Variants in ERCC8 observed in about 807,000 individuals in gnomAD.
ERCC8 encodes DNA excision repair protein ERCC-8.
In ERCC8, 52 loss-of-function variants were observed where a neutral mutation model predicts 54.9. That is an observed-to-expected ratio of 0.95 (90% CI 0.76 to 1.19). The LOEUF is 1.19. Among genes scored for constraint, ERCC8 ranks in the 50% most tolerant of loss-of-function variants. The pLI is 0.00. For synonymous variants in ERCC8, 146 were observed against 157.2 expected (o/e 0.93, Z 0.53); for missense variants, 514 against 466.1 (o/e 1.10, Z -0.95).
chr5:60,931,115 G>T (rs868545421), intron 1 of ERCC8, among the ~76,000 whole-genome samples: 1 of 147,162 alleles, frequency 6.8e-6, no homozygotes, highest in African/African-American at 2.5e-5. Context: ...GCAAGACTCC[G>T]TCTCAAAAAA....
chr5:60,936,530 G>C (rs1005300975), intron 1 of ERCC8, among the ~76,000 whole-genome samples: 1 of 151,872 alleles, frequency 6.6e-6, no homozygotes, highest in Non-Finnish European at 1.5e-5. Flanking sequence ...ATTTATTTCT[G>C]CTCTGATCTT....
In ERCC8 at chr5:60,918,751, AAGTCTCATTCTATT is replaced by A. The variant is rs567636973; in HGVS notation, c.276-377_276-364del. Reference sequence around the variant, plus strand: ...TTTTGGTTTTGGATTTGCTTTTCCAAAGTCTCATTCTATTAGCACTACTATTCTTAGAATTATTG... The same window carrying A: ...TTTTGGTTTTGGATTTGCTTTTCCAAAGCACTACTATTCTTAGAATTATTG... On this transcript the variant is annotated intron_variant, in intron 3 of 11. Coordinates refer to ENST00000676185, the MANE Select transcript of ERCC8 (RefSeq NM_000082.4). 11 of 317,094 alleles carry A rather than the reference AAGTCTCATTCTATT, an allele frequency of 3.5e-5. No homozygotes were observed. The East Asian group carries it at 8.8e-4, about 25-fold the overall frequency. The allele number at this position is 317,094 out of a possible 1,614,324, so 19.6% of individuals were successfully genotyped here.
At chr5:60,944,549 G>T (rs1750366195) in intron 1 of ERCC8, among the ~76,000 whole-genome samples, 1 of 152,164 alleles carries the variant, frequency 6.6e-6, no homozygotes, top group Non-Finnish European at 1.5e-5. Context: ...TAGGCTGCCT[G>T]GCACACTGTA....
intron 9 of ERCC8, 59 bp downstream of exon 9, chr5:60,898,217 T>A (rs1748773115): frequency 6.5e-7 from 1 of 1,535,800 alleles, no homozygotes; most frequent in East Asian, 2.3e-5. Flanking sequence ...AAAAATCAAG[T>A]GTATGTCACA....
chr5:60,939,410 A>G (rs1398697979), intron 1 of ERCC8, among the ~76,000 whole-genome samples: 1 of 152,080 alleles, frequency 6.6e-6, no homozygotes, highest in East Asian at 1.9e-4. Context: ...AAATATTTCT[A>G]TGGACCTTAG....
intron 11 of ERCC8, among the ~76,000 whole-genome samples, chr5:60,883,203 T>C (rs1748296893): frequency 6.6e-6 from 1 of 152,256 alleles, no homozygotes; most frequent in Non-Finnish European, 1.5e-5. Flanking sequence ...GCATACAAAT[T>C]ATTTCACTTT....
rs898838927 is a variant in ERCC8, at chr5:60,872,978, T to A, written c.*1637A>T. Among the ~76,000 whole-genome samples the A allele has an allele frequency of 2.6e-5, 4 of 152,078 alleles. No homozygotes were observed. The East Asian group carries it at 7.7e-4, about 29-fold the overall frequency. Reference sequence around the variant, plus strand: ...ACATATACACAAACAGCTGATCTCATAGAAGTAGAGAGTAGAATGGTGGTT... The same window carrying A: ...ACATATACACAAACAGCTGATCTCAAAGAAGTAGAGAGTAGAATGGTGGTT... On this transcript the variant is annotated 3_prime_UTR_variant, in exon 12 of 12. Coordinates refer to ENST00000676185, the MANE Select transcript of ERCC8 (RefSeq NM_000082.4).
At chr5:60,925,102 C>T (rs139901843) in intron 2 of ERCC8, among the ~76,000 whole-genome samples, 1,831 of 152,026 alleles carry the variant, frequency 0.012, 14 homozygotes, top group South Asian at 0.027. Context: ...AATCCTATTC[C>T]TTTGCTCATT....
chr5:60,878,556 A>T (rs1748092628), intron 11 of ERCC8, among the ~76,000 whole-genome samples: 1 of 152,090 alleles, frequency 6.6e-6, no homozygotes, highest in Admixed American at 6.5e-5. Flanking sequence ...AGAGCCTGTT[A>T]TTGGTCTATT....
chr5:60,889,405 A>G (rs1260930522), intron 10 of ERCC8, among the ~76,000 whole-genome samples: 2 of 152,176 alleles, frequency 1.3e-5, no homozygotes, highest in African/African-American at 4.8e-5. Context: ...TCCTGGACTC[A>G]AGCAATTCTC....
intron 1 of ERCC8, among the ~76,000 whole-genome samples, chr5:60,930,407 A>C (rs1749874037): frequency 6.6e-6 from 1 of 152,042 alleles, no homozygotes; most frequent in Admixed American, 6.6e-5. Context: ...AAATACAAAA[A>C]TTAGCTGGGC....
intron 10 of ERCC8, 102 bp from the exon 11 acceptor site, chr5:60,887,622 T>A: frequency 1.2e-6 from 1 of 862,384 alleles, no homozygotes. Flanking sequence ...ATAATTAGAT[T>A]AATGCTATTT....
chr5:60,902,886 TAA>T (rs919867818), intron 6 of ERCC8, among the ~76,000 whole-genome samples: 1 of 151,968 alleles, frequency 6.6e-6, no homozygotes, highest in South Asian at 2.1e-4. Context: ...CATAAAGTTA[TAA>T]GAGAAACCTA....
intron 1 of ERCC8, among the ~76,000 whole-genome samples, chr5:60,938,783 C>T (rs1383483215): frequency 1.3e-5 from 2 of 152,156 alleles, no homozygotes; most frequent in African/African-American, 2.4e-5. Context: ...TTTGTTGTTT[C>T]TTCATTTCCT....
chr5:60,903,527 C>G, intron 6 of ERCC8, 121 bp downstream of exon 6: 4 of 1,515,202 alleles, frequency 2.6e-6, no homozygotes, highest in Non-Finnish European at 2.7e-6. Flanking sequence ...CCTGCTGAGT[C>G]TCAACAACCA....
At chr5:60,881,059 T>C (rs916212618) in intron 11 of ERCC8, among the ~76,000 whole-genome samples, 8 of 152,218 alleles carry the variant, frequency 5.3e-5, no homozygotes, top group Admixed American at 3.9e-4. Flanking sequence ...ATGTCCTTTC[T>C]GCTTGTTAGT....
chr5:60,899,483 A>G, intron 8 of ERCC8, 144 bp downstream of exon 8: 1 of 610,924 alleles, frequency 1.6e-6, no homozygotes, highest in Non-Finnish European at 2.9e-6. Context: ...ATGTAAATTA[A>G]GAAAGTGATA....
At chr5:60,879,682 T>A (rs1748140564) in intron 11 of ERCC8, among the ~76,000 whole-genome samples, 1 of 152,228 alleles carries the variant, frequency 6.6e-6, no homozygotes. Flanking sequence ...AGACTAGGAT[T>A]ACAACCTCTG....
chr5:60,880,257 G>A (rs545723332), intron 11 of ERCC8, among the ~76,000 whole-genome samples: 9 of 152,254 alleles, frequency 5.9e-5, no homozygotes, highest in Admixed American at 2.6e-4. Context: ...ATGGGGTTCC[G>A]TTTGTGGGTA....
Sources: gnomAD v4.1 joint callset for allele counts (sites outside exome capture counted in the v4.1 genomes callset) on GRCh38, gnomAD v4.1.1 for gene constraint, MANE v1.5 for transcripts, NCBI Gene and HGNC (gene_info 2026-07-23, HGNC 2026-07-21) for gene names.